OR1D2: variants seen among roughly 807,000 people sequenced by gnomAD.
OR1D2 encodes olfactory receptor 1D2.
For missense variants in OR1D2, 357 were observed against 376.1 expected (o/e 0.95, Z 0.42); for synonymous variants, 157 against 153.9 (o/e 1.02, Z -0.15).
At chr17:3,100,652 A>G (rs1878664887) in intron 1 of OR1D2, among the ~76,000 whole-genome samples, 1 of 152,170 alleles carries the variant, frequency 6.6e-6, no homozygotes, top group Non-Finnish European at 1.5e-5. Flanking sequence ...AAAAGCTAGC[A>G]GAAGACAATA....
In OR1D2 at chr17:3,090,337, T is replaced by C. The variant is rs1021177172; in HGVS notation, c.*1721A>G. ...TTTCTGTTTGTTGAAATTTACATTT[T>C]ATTTATGTATTGATTTCCTGATTTT... On this transcript the variant is annotated 3_prime_UTR_variant, in exon 2 of 2. Transcript: ENST00000641833. 1 of 152,234 alleles carries C rather than the reference T, an allele frequency of 6.6e-6. No individual in the cohort carries two copies. The highest frequency in any genetic ancestry group is 2.4e-5 in the African/African-American group (1 of 41,466). The allele number at this position is 152,234 out of a possible 1,614,324, so 9.4% of individuals were successfully genotyped here.
At position 3,092,503 on chromosome 17, in the gene OR1D2, C is replaced by G. The variant is rs572168662; in HGVS notation, c.494G>C (p.Arg165Thr). The G allele has an allele frequency of 1.2e-6, 2 of 1,614,040 alleles. No individual in the cohort carries two copies. Among genetic ancestry groups the G allele is most frequent in the South Asian group, 1.1e-5 (1 of 91,070 alleles). ...YGLIHTLLMT[R>T]VTFCGSRKIH... ...TTTTCGTGACCCACAGAAGGTCACT[C>G]TGGTCATGAGGAGGGTGTGTATGAG... Residue 165 changes from arginine to threonine, a missense_variant, in exon 2 of 2, where the codon AGA becomes ACA. Arg to Thr is a moderately conservative substitution (Grantham distance 71, BLOSUM62 -1). Transcript: ENST00000641833.
chr17:3,102,484 T>C (rs1012421743), intron 1 of OR1D2, among the ~76,000 whole-genome samples: 1 of 152,224 alleles, frequency 6.6e-6, no homozygotes, highest in Non-Finnish European at 1.5e-5. Flanking sequence ...GTGCTATGTA[T>C]ATACATCTTT....
rs1597253471 is a variant in OR1D2, at chr17:3,091,911, A to G, written c.*147T>C. The G allele has an allele frequency of 1.6e-5, 10 of 640,636 alleles. No homozygotes were observed. In the East Asian group the frequency reaches 2.7e-4, roughly 18 times the overall value. The allele number at this position is 640,636 out of a possible 1,614,324, so 39.7% of individuals were successfully genotyped here. ...ACCTGGGGGACACCAGGTTACAAAT[A>G]TGTCTTTTTTATCACCACATATCTA... On this transcript the variant is annotated 3_prime_UTR_variant, in exon 2 of 2. Coordinates refer to ENST00000641833, the MANE Select transcript of OR1D2 (RefSeq NM_002548.3).
chr17:3,096,929 G>A (rs1176029429), intron 1 of OR1D2, among the ~76,000 whole-genome samples: 1 of 152,118 alleles, frequency 6.6e-6, no homozygotes, highest in Non-Finnish European at 1.5e-5. Context: ...CAAGTGTCAT[G>A]GGAACATTCT....
chr17:3,093,154 A>T, intron 1 of OR1D2, 108 bp from the exon 2 acceptor site: 1 of 704,032 alleles, frequency 1.4e-6, no homozygotes, highest in Non-Finnish European at 2.4e-6. Context: ...TGAAAAATAT[A>T]ACAAAGTTTT....
chr17:3,101,587 G>T (rs763463519), intron 1 of OR1D2, among the ~76,000 whole-genome samples: 5 of 152,114 alleles, frequency 3.3e-5, no homozygotes, highest in Non-Finnish European at 7.4e-5. Flanking sequence ...AAAGCTGCAA[G>T]CATTCCCTTT....
At chr17:3,097,463 C>G (rs1270207347) in intron 1 of OR1D2, among the ~76,000 whole-genome samples, 2 of 152,122 alleles carry the variant, frequency 1.3e-5, no homozygotes, top group East Asian at 3.9e-4. Flanking sequence ...AGTCCCCACC[C>G]CCAAGCCAAG....
chr17:3,098,055 C>T (rs1051712523), intron 1 of OR1D2, among the ~76,000 whole-genome samples: 6 of 152,182 alleles, frequency 3.9e-5, no homozygotes, highest in South Asian at 2.1e-4. Flanking sequence ...GAGAGGTGGC[C>T]GCAATCTCTG....
In OR1D2 at chr17:3,089,078, T is replaced by C. The variant is rs1451550442; in HGVS notation, c.*2980A>G. 1 of 152,204 alleles carries C rather than the reference T, an allele frequency of 6.6e-6. No individual in the cohort carries two copies. Among genetic ancestry groups the C allele is most frequent in the East Asian group, 1.9e-4 (1 of 5,194 alleles). The allele number at this position is 152,204 out of a possible 1,614,324, so 9.4% of individuals were successfully genotyped here. A position where few individuals can be genotyped will look rare whatever the true frequency, so the allele number is the denominator to read the frequency against. On this transcript the variant is annotated 3_prime_UTR_variant, in exon 2 of 2. Transcript: ENST00000641833. The stretch of plus-strand genomic sequence containing the variant: ...CCTTGTTTTGTCATATTACCAGATT[T>C]GTTTTTCTGGTTCCTTCTCATTTGG...
intron 1 of OR1D2, 96 bp from the exon 2 acceptor site, chr17:3,093,142 A>C: frequency 2.6e-6 from 2 of 763,048 alleles, no homozygotes; most frequent in South Asian, 1.9e-5. Flanking sequence ...AAAATAAGAA[A>C]GTGAAAAATA....
chr17:3,092,357 C>G lies in OR1D2; in HGVS notation c.640G>C (p.Val214Leu), dbSNP rs55803944. ...CFIFLIPFGFVIISYVLIIRA... is the reference protein window; with the variant it reads ...CFIFLIPFGFLIISYVLIIRA... ...ATAATCAGCACATAGGAAATGATCA[C>G]GAATCCAAAGGGAATGAGGAAGATG... Residue 214 changes from valine to leucine, a missense_variant, in exon 2 of 2, where the codon GTG becomes CTG. Val to Leu is a conservative substitution (Grantham distance 32). Coordinates refer to ENST00000641833, the MANE Select transcript of OR1D2 (RefSeq NM_002548.3). The G allele has an allele frequency of 6.2e-7, 1 of 1,614,126 alleles. No homozygotes were observed. The highest frequency in any genetic ancestry group is 8.5e-7 in the Non-Finnish European group (1 of 1,180,028).
Position 3,093,022 on chromosome 17 carries a change from C to T in OR1D2, c.-26G>A, listed in dbSNP as rs747185028. 3.8e-6 allele frequency: 6 copies of T among 1,598,744 alleles called. No individual in the cohort carries two copies. Among genetic ancestry groups the T allele is most frequent in the Non-Finnish European group, 5.1e-6 (6 of 1,169,056 alleles). ...TTCCCCAACTCTCTTTTAACATTAACACCAGCAAATGTTTACCAAAAGTCC... is the reference window on the plus strand; with the variant it reads ...TTCCCCAACTCTCTTTTAACATTAATACCAGCAAATGTTTACCAAAAGTCC... On this transcript the variant is annotated 5_prime_UTR_variant, in exon 2 of 2. Coordinates refer to ENST00000641833, the MANE Select transcript of OR1D2 (RefSeq NM_002548.3).
In OR1D2 at chr17:3,092,696, G is replaced by A. The variant is rs965990112; in HGVS notation, c.301C>T (p.Leu101Phe). ...AISYAGCLTQ[L>F]YFLVSLVALD... ...GCCACCAAGGAGACCAGGAAGTAGAGCTGTGTCAGACACCCTGCATAGGAG... is the reference window on the plus strand; with the variant it reads ...GCCACCAAGGAGACCAGGAAGTAGAACTGTGTCAGACACCCTGCATAGGAG... Residue 101 changes from leucine (L) to phenylalanine (F), a missense_variant, in exon 2 of 2, where the codon CTC becomes TTC. Coordinates refer to ENST00000641833, the MANE Select transcript of OR1D2 (RefSeq NM_002548.3). The A allele has an allele frequency of 1.2e-6, 2 of 1,614,014 alleles. No individual in the cohort carries two copies. The highest frequency in any genetic ancestry group is 2.7e-5 in the African/African-American group (2 of 74,906).
At chr17:3,102,422 T>A (rs191003814) in intron 1 of OR1D2, among the ~76,000 whole-genome samples, 1 of 152,216 alleles carries the variant, frequency 6.6e-6, no homozygotes, top group Non-Finnish European at 1.5e-5. Context: ...ATTCAAGCAT[T>A]TTTTGAACAA....
At chr17:3,100,712 C>CA (rs2047870905) in intron 1 of OR1D2, among the ~76,000 whole-genome samples, 1 of 151,948 alleles carries the variant, frequency 6.6e-6, no homozygotes, top group Non-Finnish European at 1.5e-5. Flanking sequence ...AAAAACCCTT[C>CA]AAAAAATCAA....
In OR1D2 at chr17:3,091,811, A is replaced by G. The variant is rs2151706526; in HGVS notation, c.*247T>C. The G allele has an allele frequency of 2.4e-6, 1 of 418,872 alleles. No individual in the cohort carries two copies. The highest frequency in any genetic ancestry group is 4.3e-6 in the Non-Finnish European group (1 of 232,684). 25.9% of individuals were successfully genotyped at this position (418,872 alleles called of 1,614,324 possible). A position where few individuals can be genotyped will look rare whatever the true frequency, so the allele number is the denominator to read the frequency against. ...CAAGAATGTGGCCCTGTAGTCAAGTACATTGAAGAATTTGACCCTGCAACA... is the reference window on the plus strand; with the variant it reads ...CAAGAATGTGGCCCTGTAGTCAAGTGCATTGAAGAATTTGACCCTGCAACA... On this transcript the variant is annotated 3_prime_UTR_variant, in exon 2 of 2. Transcript: ENST00000641833.
rs185711936 is a variant in OR1D2, at chr17:3,100,556, G to T, written c.-51+3543C>A. ...AAGAGGGAAATTTATAGCACTAAATGCCCACATCAGAAAGCTAGAAAGATC... is the reference window on the plus strand; with the variant it reads ...AAGAGGGAAATTTATAGCACTAAATTCCCACATCAGAAAGCTAGAAAGATC... On this transcript the variant is annotated intron_variant, in intron 1 of 1. Coordinates refer to ENST00000641833, the MANE Select transcript of OR1D2 (RefSeq NM_002548.3). Among the ~76,000 whole-genome samples, 189 of 152,228 alleles carry T rather than the reference G, an allele frequency of 1.2e-3. 2 individuals are homozygous for T. Among genetic ancestry groups the T allele is most frequent in the African/African-American group, 4.2e-3 (174 of 41,542 alleles).
chr17:3,098,863 A>G (rs566546664), intron 1 of OR1D2, among the ~76,000 whole-genome samples: 5 of 152,294 alleles, frequency 3.3e-5, no homozygotes, highest in African/African-American at 1.2e-4. Context: ...AAAACATAGC[A>G]TGAGAACTTC....
Sources: gnomAD v4.1 joint callset for allele counts (sites outside exome capture counted in the v4.1 genomes callset) on GRCh38, gnomAD v4.1.1 for gene constraint, MANE v1.5 for transcripts, NCBI Gene and HGNC (gene_info 2026-07-23, HGNC 2026-07-21) for gene names.